The following ERGIC1 variants were observed in gnomAD, a reference collection of about 807,000 sequenced individuals.
The protein encoded by ERGIC1 is endoplasmic reticulum-golgi intermediate compartment 1.
ERGIC1 carries 19 observed loss-of-function variants against 38.3 expected under a neutral mutation model. The observed-to-expected ratio is 0.50, with a 90% confidence interval of 0.35 to 0.73. The LOEUF (loss-of-function observed/expected upper bound fraction) is 0.73. Among genes scored for constraint, ERGIC1 ranks in the 30% least tolerant of loss-of-function variants. ERGIC1 has a pLI of 0.01. For synonymous variants in ERGIC1, 124 were observed against 157.6 expected (o/e 0.79, Z 1.60); for missense variants, 294 against 389.2 (o/e 0.76, Z 2.06).
intron 1 of ERGIC1, among the ~76,000 whole-genome samples, chr5:172,861,723 A>G (rs1231308870): frequency 1.3e-5 from 2 of 152,210 alleles, no homozygotes; most frequent in African/African-American, 4.8e-5. Flanking sequence ...TTGTTTAGAC[A>G]AAGTGTACAC....
intron 3 of ERGIC1, 96 bp from the exon 4 acceptor site, chr5:172,909,571 T>C (rs916642112): frequency 8.8e-7 from 1 of 1,131,858 alleles, no homozygotes; most frequent in African/African-American, 1.5e-5. Context: ...GTTATCTAAG[T>C]TGTGGTCACC....
chr5:172,932,612 TG>T, intron 8 of ERGIC1, 76 bp downstream of exon 8: 1 of 1,420,610 alleles, frequency 7.0e-7, no homozygotes, highest in South Asian at 1.2e-5. Flanking sequence ...GACAGGCGGC[TG>T]CACCGACGCA....
At chr5:172,944,446 CCTT>C (rs1486521984) in intron 9 of ERGIC1, among the ~76,000 whole-genome samples, 1 of 152,154 alleles carries the variant, frequency 6.6e-6, no homozygotes, top group Non-Finnish European at 1.5e-5. Context: ...GCAACCTCCA[CCTT>C]CTGAGTTCAA....
At chr5:172,869,218 G>T (rs1314698148) in intron 1 of ERGIC1, among the ~76,000 whole-genome samples, 1 of 152,236 alleles carries the variant, frequency 6.6e-6, no homozygotes, top group East Asian at 1.9e-4. Flanking sequence ...GGAGGTGAGG[G>T]GGGTGACAAC....
chr5:172,918,116 C>T (rs1763417401), intron 5 of ERGIC1: 1 of 152,226 alleles, frequency 6.6e-6, no homozygotes, highest in Non-Finnish European at 1.5e-5. Context: ...TGAGATCGCA[C>T]CACCACACTC....
At position 172,834,985 on chromosome 5, in the gene ERGIC1, G is replaced by T. The variant is rs1401948032; in HGVS notation, c.20+552G>T. ...CCCTCCCTCAGCCCCAGCCCTGTCC[G>T]CTGGGTATGGGGGCACCATGGGAAG... On this transcript the variant is annotated intron_variant, in intron 1 of 9. Coordinates refer to ENST00000393784, the MANE Select transcript of ERGIC1 (RefSeq NM_001031711.3). This position sits in a 1 kb window ranked among gnomAD's most constrained non-coding sequence, Gnocchi z 4.1. Among the ~76,000 whole-genome samples the T allele has an allele frequency of 6.6e-6, 1 of 152,236 alleles. No individual in the cohort carries two copies. Among genetic ancestry groups the T allele is most frequent in the African/African-American group, 2.4e-5 (1 of 41,478 alleles).
rs761420337 is a variant in ERGIC1, at chr5:172,926,524, G to A, written c.496G>A (p.Gly166Arg). Residue 166 changes from glycine (G) to arginine (R), a missense_variant, in exon 7 of 10, where the codon GGA becomes AGA. Gly to Arg is a moderately radical substitution (Grantham distance 125). Around this residue, in one of 3 missense-constraint regions of ERGIC1, gnomAD observed 163 missense variants for 225.8 expected, o/e 0.72. Coordinates refer to ENST00000393784, the MANE Select transcript of ERGIC1 (RefSeq NM_001031711.3). This position sits in a 1 kb window ranked among gnomAD's most constrained non-coding sequence, Gnocchi z 5.2. Reference protein sequence around the residue: ...GDTLQVQNIHGAFNALGGADR... With the variant: ...GDTLQVQNIHRAFNALGGADR... ...TTTTCCACAGGTCCAGAACATCCACGGAGCTTTCAATGCTCTCGGGGGAGC... is the reference window on the plus strand; with the variant it reads ...TTTTCCACAGGTCCAGAACATCCACAGAGCTTTCAATGCTCTCGGGGGAGC... 2.5e-6 allele frequency: 4 copies of A among 1,613,616 alleles called. No individual in the cohort carries two copies. Among genetic ancestry groups the A allele is most frequent in the African/African-American group, 2.7e-5 (2 of 74,886 alleles).
Position 172,926,515 on chromosome 5 carries a change from A to T in ERGIC1, c.487A>T (p.Asn163Tyr). The T allele has an allele frequency of 2.5e-6, 4 of 1,613,422 alleles. No individual in the cohort carries two copies. Among genetic ancestry groups the T allele is most frequent in the Non-Finnish European group, 3.4e-6 (4 of 1,179,988 alleles). The part of the protein sequence containing the change: ...LSFGDTLQVQ[N>Y]IHGAFNALGG... ...TCACTGCATTTTTCCACAGGTCCAG[A>T]ACATCCACGGAGCTTTCAATGCTCT... The change falls in exon 7 of 10, where the codon AAC becomes TAC. Residue 163 changes from asparagine to tyrosine, a missense_variant. This residue lies in a region of ERGIC1 where 163 missense variants were observed against 225.8 expected (regional missense o/e 0.72). Coordinates refer to ENST00000393784, the MANE Select transcript of ERGIC1 (RefSeq NM_001031711.3). The surrounding 1 kb of genome is among the most constrained non-coding windows in gnomAD (Gnocchi z 5.2).
Position 172,951,842 on chromosome 5 carries a change from A to G in ERGIC1, c.*1026A>G, listed in dbSNP as rs1461679824. The G allele has an allele frequency of 6.6e-6, 1 of 152,322 alleles. No individual in the cohort carries two copies. The highest frequency in any genetic ancestry group is 1.5e-5 in the Non-Finnish European group (1 of 68,090). The allele number at this position is 152,322 out of a possible 1,614,324, so 9.4% of individuals were successfully genotyped here. ...TTAGGTGGAGGAAGCAAAGCAGGCC[A>G]GGCCTGTCCTGTCCGTGGACCTCTA... On this transcript the variant is annotated 3_prime_UTR_variant, in exon 10 of 10. Coordinates refer to ENST00000393784, the MANE Select transcript of ERGIC1 (RefSeq NM_001031711.3).
chr5:172,936,504 G>A (rs1232529329), intron 9 of ERGIC1: 1 of 152,322 alleles, frequency 6.6e-6, no homozygotes, highest in Non-Finnish European at 1.5e-5. Flanking sequence ...TGAGGAATGA[G>A]GTTTCTCAAG....
intron 5 of ERGIC1, chr5:172,917,578 C>T (rs1347442544): frequency 1.3e-5 from 2 of 152,088 alleles, no homozygotes. Flanking sequence ...AGCAAGATTA[C>T]CTACGGAGAG....
At position 172,892,060 on chromosome 5, in the gene ERGIC1, A is replaced by ATTTTTTTTTTTGTTTTGTTT. The variant is rs372105420; in HGVS notation, c.82+3301_82+3302insTTTTTTTTTTGTTTTGTTTT. Among the ~76,000 whole-genome samples the ATTTTTTTTTTTGTTTTGTTT allele has an allele frequency of 7.3e-3, 911 of 125,562 alleles. 10 individuals carry two copies. Among genetic ancestry groups the ATTTTTTTTTTTGTTTTGTTT allele is most frequent in the African/African-American group, 0.027 (863 of 31,898 alleles). The allele number at this position is 125,562 out of a possible 152,430, so 82.4% of individuals were successfully genotyped here. On this transcript the variant is annotated intron_variant, in intron 2 of 9. Transcript: ENST00000393784. ...AAGAGGAATTACTGGGTTAAAGAGT[A>ATTTTTTTTTTTGTTTTGTTT]TGTTTTTTTTTTTTTTTTTTTTTTT...
At chr5:172,896,730 A>T (rs1762732016) in intron 2 of ERGIC1, among the ~76,000 whole-genome samples, 1 of 152,226 alleles carries the variant, frequency 6.6e-6, no homozygotes, top group African/African-American at 2.4e-5. Context: ...TGGCCTTTGC[A>T]TTAAAGAGCT....
rs1763664680 is a variant in ERGIC1, at chr5:172,926,915, A to T, written c.541+346A>T. ...CACAGGGAGCTATGGCAGAACCAGG[A>T]TCTGTTCTGCCTCCAGGTCGCACCG... On this transcript the variant is annotated intron_variant, in intron 7 of 9. Transcript: ENST00000393784. This position sits in a 1 kb window ranked among gnomAD's most constrained non-coding sequence, Gnocchi z 5.2. The T allele has an allele frequency of 1.4e-5, 4 of 288,020 alleles. No individual in the cohort carries two copies. Among genetic ancestry groups the T allele is most frequent in the Non-Finnish European group, 6.8e-6 (1 of 146,890 alleles). 17.8% of individuals were successfully genotyped at this position (288,020 alleles called of 1,614,324 possible).
At chr5:172,942,877 G>C (rs1764043157) in intron 9 of ERGIC1, among the ~76,000 whole-genome samples, 1 of 152,180 alleles carries the variant, frequency 6.6e-6, no homozygotes, top group African/African-American at 2.4e-5. Context: ...GGACCCCTTA[G>C]GTCAGGATAT....
At chr5:172,934,723 C>T (rs1390143159) in intron 8 of ERGIC1, 1 of 209,132 alleles carries the variant, frequency 4.8e-6, no homozygotes, top group Non-Finnish European at 1.0e-5. Context: ...ATGTCTTCCT[C>T]CTTCTGCAGA....
At chr5:172,843,369 G>GT (rs1197464561) in intron 1 of ERGIC1, among the ~76,000 whole-genome samples, 1 of 152,080 alleles carries the variant, frequency 6.6e-6, no homozygotes, top group East Asian at 1.9e-4. Context: ...AGCTGGTGAG[G>GT]TGCAGAGCTG....
chr5:172,901,321 A>T (rs1762870482), intron 3 of ERGIC1, among the ~76,000 whole-genome samples: 1 of 152,108 alleles, frequency 6.6e-6, no homozygotes, highest in Admixed American at 6.6e-5. Flanking sequence ...TATCCTTGGG[A>T]AAGAGGCCCC....
At chr5:172,850,188 C>G (rs1335468782) in intron 1 of ERGIC1, among the ~76,000 whole-genome samples, 1 of 152,184 alleles carries the variant, frequency 6.6e-6, no homozygotes, top group African/African-American at 2.4e-5. Context: ...ATTTGGCTTC[C>G]GTTGGCCAAG....
Sources: allele counts gnomAD v4.1 joint callset (sites outside exome capture counted in the v4.1 genomes callset), GRCh38; gene constraint gnomAD v4.1.1; regional missense constraint gnomAD v4.1.1; non-coding constraint Gnocchi (gnomAD v3.1); transcripts MANE v1.5; gene names NCBI Gene and HGNC (gene_info 2026-07-23, HGNC 2026-07-21).